TECR: variants seen among roughly 807,000 people sequenced by gnomAD.
TECR encodes the protein trans-2,3-enoyl-CoA reductase.
A neutral mutation model predicts 50.6 loss-of-function variants in TECR; 19 were observed. That is an observed-to-expected ratio of 0.38 (90% CI 0.26 to 0.55). The LOEUF (loss-of-function observed/expected upper bound fraction) is 0.55. TECR is among the 20% of genes least tolerant of loss of function. TECR has a pLI of 0.79. For synonymous variants in TECR, 168 were observed against 163.5 expected (o/e 1.03, Z -0.21); for missense variants, 313 against 408.3 (o/e 0.77, Z 2.01).
chr19:14,555,843 C>T (rs2073702806), intron 1 of TECR, among the ~76,000 whole-genome samples: 1 of 152,196 alleles, frequency 6.6e-6, no homozygotes, highest in Non-Finnish European at 1.5e-5. Flanking sequence ...GTCTCAGCCT[C>T]CTAAAGTGCT....
At chr19:14,530,842 C>T (rs1036023391) in intron 1 of TECR, 3 of 152,170 alleles carry the variant, frequency 2.0e-5, no homozygotes, top group Non-Finnish European at 4.4e-5. Flanking sequence ...GCATTAAGAA[C>T]ATTCACATTG....
intron 1 of TECR, chr19:14,532,064 G>A (rs2072692575): frequency 6.6e-6 from 1 of 151,250 alleles, no homozygotes; most frequent in Admixed American, 6.6e-5. Context: ...ATGCAGTTTG[G>A]AACATCCATA....
chr19:14,554,680 C>T (rs2073655453), intron 1 of TECR, among the ~76,000 whole-genome samples: 1 of 152,142 alleles, frequency 6.6e-6, no homozygotes, highest in African/African-American at 2.4e-5. Context: ...CCTGCTCCTC[C>T]CTCCTTCCCT....
intron 1 of TECR, among the ~76,000 whole-genome samples, chr19:14,558,890 C>G (rs1217015623): frequency 6.6e-6 from 1 of 152,216 alleles, no homozygotes; most frequent in Admixed American, 6.5e-5. Context: ...GATCCCCTGC[C>G]TGGGGCTCTG....
At chr19:14,543,411 A>ATTTTTTT (rs2073180838) in intron 1 of TECR, among the ~76,000 whole-genome samples, 1 of 9,114 alleles carries the variant, frequency 1.1e-4, no homozygotes, top group African/African-American at 3.6e-4. Flanking sequence ...ATATATATAT[A>ATTTTTTT]TATATATATT....
intron 1 of TECR, among the ~76,000 whole-genome samples, chr19:14,559,616 A>T (rs1011014977): frequency 6.6e-6 from 1 of 152,080 alleles, no homozygotes; most frequent in East Asian, 1.9e-4. Context: ...GTGAAACCCC[A>T]TCTCTCCTAA....
At chr19:14,529,792 TTCTGG>T in intron 1 of TECR, 81 bp downstream of exon 1, 1 of 1,597,004 alleles carries the variant, frequency 6.3e-7, no homozygotes, top group South Asian at 1.1e-5. Context: ...GGACCCCACT[TTCTGG>T]TCCTGTGCCC....
At chr19:14,537,794 TG>T (rs1316040407) in intron 1 of TECR, among the ~76,000 whole-genome samples, 1 of 145,028 alleles carries the variant, frequency 6.9e-6, no homozygotes, top group African/African-American at 2.5e-5. Context: ...TCCCCTAGGC[TG>T]GGGTGCAATG....
At chr19:14,549,375 G>T (rs2073416330) in intron 1 of TECR, among the ~76,000 whole-genome samples, 3 of 151,916 alleles carry the variant, frequency 2.0e-5, no homozygotes, top group Admixed American at 2.0e-4. Flanking sequence ...ACCATGCCCA[G>T]CTAACTTTTG....
chr19:14,550,869 A>T lies in TECR; in HGVS notation c.16-11656A>T, dbSNP rs1190224870. On this transcript the variant is annotated intron_variant, in intron 1 of 12. Transcript: ENST00000215567. ...CTAATTTTTGTAGAGACAGGGTTTC[A>T]CCATGTTAGCCAGGCTGGTGTCGAA... Among the ~76,000 whole-genome samples the T allele has an allele frequency of 2.6e-5, 4 of 152,002 alleles. No individual in the cohort carries two copies. The South Asian group carries it at 8.5e-4, about 32-fold the overall frequency.
At chr19:14,565,345 G>C (rs945761327) in intron 11 of TECR, 55 bp downstream of exon 11, 1 of 1,603,126 alleles carries the variant, frequency 6.2e-7, no homozygotes, top group African/African-American at 1.3e-5. Context: ...CATGTGGAGG[G>C]ACCAGCCCCT....
chr19:14,543,470 GCT>G (rs1444499303), intron 1 of TECR, among the ~76,000 whole-genome samples: 7 of 90,464 alleles, frequency 7.7e-5, no homozygotes, highest in African/African-American at 3.0e-4. Context: ...ACGGAGTCTC[GCT>G]CTGTCGCCCA....
chr19:14,549,933 ACT>A (rs2073436733), intron 1 of TECR, among the ~76,000 whole-genome samples: 1 of 150,136 alleles, frequency 6.7e-6, no homozygotes, highest in South Asian at 2.1e-4. Flanking sequence ...ACACAGTGAG[ACT>A]CTGTCTCAAA....
intron 2 of TECR, 136 bp downstream of exon 2, chr19:14,562,711 G>T: frequency 1.0e-6 from 1 of 1,004,886 alleles, no homozygotes; most frequent in Non-Finnish European, 1.6e-6. Flanking sequence ...CTCACTTGGG[G>T]TAGGGTGGAT....
intron 1 of TECR, among the ~76,000 whole-genome samples, chr19:14,541,581 T>C (rs1205269170): frequency 6.6e-6 from 1 of 152,182 alleles, no homozygotes; most frequent in East Asian, 1.9e-4. Flanking sequence ...ACATTCTCTG[T>C]CCTCAAGATC....
At chr19:14,542,305 G>A (rs2073120608) in intron 1 of TECR, among the ~76,000 whole-genome samples, 1 of 141,452 alleles carries the variant, frequency 7.1e-6, no homozygotes. Context: ...CTATTGGAGG[G>A]CAGTTCATTT....
chr19:14,543,285 C>T (rs1599437643), intron 1 of TECR, among the ~76,000 whole-genome samples: 2 of 116,208 alleles, frequency 1.7e-5, no homozygotes, highest in Non-Finnish European at 3.7e-5. Context: ...TGGAGGATTG[C>T]AGAGGGTGGG....
At chr19:14,555,294 G>A (rs2073679677) in intron 1 of TECR, among the ~76,000 whole-genome samples, 2 of 151,196 alleles carry the variant, frequency 1.3e-5, no homozygotes, top group Non-Finnish European at 2.9e-5. Context: ...TGTGGCCCAG[G>A]CTGGAGTGCA....
chr19:14,562,179 T>A, intron 1 of TECR: 1 of 595,390 alleles, frequency 1.7e-6, no homozygotes, highest in Non-Finnish European at 3.0e-6. Flanking sequence ...TTAGCTGGGC[T>A]GTGGCTGTGG....
Sources: allele counts gnomAD v4.1 joint callset (sites outside exome capture counted in the v4.1 genomes callset), GRCh38; gene constraint gnomAD v4.1.1; transcripts MANE v1.5; gene names NCBI Gene and HGNC (gene_info 2026-07-23, HGNC 2026-07-21).